IFI44L: variants seen among roughly 807,000 people sequenced by gnomAD.
IFI44L encodes the protein interferon induced protein 44 like.
IFI44L carries 40 observed loss-of-function variants against 39.3 expected under a neutral mutation model. The observed-to-expected ratio is 1.02, with a 90% confidence interval of 0.79 to 1.33. The LOEUF (loss-of-function observed/expected upper bound fraction) is 1.33, where lower values mean the gene tolerates loss of function less well. Ranked by LOEUF, IFI44L falls within the 40% of genes most tolerant of loss-of-function variation. The pLI is 0.00. For missense variants in IFI44L, 623 were observed against 549.0 expected (o/e 1.13, Z -1.35); for synonymous variants, 198 against 182.3 (o/e 1.09, Z -0.69).
At chr1:78,621,343 C>A (rs1156289900) in intron 1 of IFI44L, among the ~76,000 whole-genome samples, 1 of 152,178 alleles carries the variant, frequency 6.6e-6, no homozygotes, top group Non-Finnish European at 1.5e-5. Flanking sequence ...TCGATGTCGG[C>A]TCACTGCAAC....
Position 78,637,097 on chromosome 1 carries a change from C to G in IFI44L, c.942C>G (p.Asp314Glu), listed in dbSNP as rs1257381347. 4 of 1,610,460 alleles carry G rather than the reference C, an allele frequency of 2.5e-6. No individual in the cohort carries two copies. In the South Asian group the frequency reaches 4.4e-5, roughly 18 times the overall value. ...STFITSPSLK[D>E]RIHCVAYVLD... ...TTATCACCTCTCCATCTCTGAAGGACAGGATTCACTGTGTGGCTTATGTCT... is the reference window on the plus strand; with the variant it reads ...TTATCACCTCTCCATCTCTGAAGGAGAGGATTCACTGTGTGGCTTATGTCT... The change falls in exon 6 of 9, where the codon GAC becomes GAG. Residue 314 changes from aspartate (D) to glutamate (E), a missense_variant. Physicochemically the swap from Asp to Glu is conservative, Grantham distance 45. Coordinates refer to ENST00000370751, the MANE Select transcript of IFI44L (RefSeq NM_006820.4).
At chr1:78,641,318 C>A in intron 7 of IFI44L, 117 bp from the exon 8 acceptor site, 1 of 982,040 alleles carries the variant, frequency 1.0e-6, no homozygotes, top group Non-Finnish European at 1.5e-6. Context: ...TTGTATGTTC[C>A]GAAGATAACT....
chr1:78,628,634 A>G, intron 2 of IFI44L: 1 of 523,350 alleles, frequency 1.9e-6, no homozygotes, highest in Non-Finnish European at 3.3e-6. Flanking sequence ...TAGAGATGAC[A>G]AAGGAGATGG....
In IFI44L at chr1:78,641,931, A is replaced by C. The variant is rs769251057; in HGVS notation, c.*122A>C. On this transcript the variant is annotated 3_prime_UTR_variant, in exon 9 of 9. Transcript: ENST00000370751. ...TGTTCGTTTTGCCTTCTGTCCTTGGAACAGTCATATCTCAAGTTCAAAGGC... is the reference window on the plus strand; with the variant it reads ...TGTTCGTTTTGCCTTCTGTCCTTGGCACAGTCATATCTCAAGTTCAAAGGC... 187 of 1,113,138 alleles carry C rather than the reference A, an allele frequency of 1.7e-4. No homozygotes were observed. Among genetic ancestry groups the C allele is most frequent in the Non-Finnish European group, 2.2e-4 (162 of 725,530 alleles). The allele number at this position is 1,113,138 out of a possible 1,614,324, so 69.0% of individuals were successfully genotyped here. A position where few individuals can be genotyped will look rare whatever the true frequency, so the allele number is the denominator to read the frequency against.
chr1:78,641,664 C>G, intron 8 of IFI44L, 55 bp downstream of exon 8: 3 of 1,609,864 alleles, frequency 1.9e-6, no homozygotes, highest in Non-Finnish European at 2.5e-6. Flanking sequence ...TTTGAAAAAT[C>G]CTAAGTTATA....
intron 5 of IFI44L, 106 bp from the exon 6 acceptor site, chr1:78,636,926 G>A: frequency 2.5e-6 from 2 of 799,960 alleles, no homozygotes; most frequent in South Asian, 3.4e-5. Context: ...TAGCTGAGGA[G>A]AAAGAGGGAG....
Position 78,645,719 on chromosome 1 carries a change from T to G in IFI44L, c.*3910T>G, listed in dbSNP as rs1647038705. ...TAATCTGATGAGTCTATGGACCAAT[T>G]TGTGGAGGACAGTAGATTAAATAGA... is the stretch of plus-strand genomic sequence containing the variant. On this transcript the variant is annotated 3_prime_UTR_variant, in exon 9 of 9. Coordinates refer to ENST00000370751, the MANE Select transcript of IFI44L (RefSeq NM_006820.4). The G allele has an allele frequency of 6.6e-6, 1 of 152,168 alleles. No individual in the cohort carries two copies. The highest frequency in any genetic ancestry group is 6.5e-5 in the Admixed American group (1 of 15,272). The allele number at this position is 152,168 out of a possible 1,614,324, so 9.4% of individuals were successfully genotyped here.
intron 1 of IFI44L, 41 bp from the exon 2 acceptor site, chr1:78,627,865 T>C: frequency 8.5e-7 from 1 of 1,172,876 alleles, no homozygotes; most frequent in East Asian, 2.6e-5. Flanking sequence ...TAAGCTACTA[T>C]ATTATATAAG....
chr1:78,637,940 G>A (rs1243180874), intron 6 of IFI44L, among the ~76,000 whole-genome samples: 2 of 152,014 alleles, frequency 1.3e-5, no homozygotes, highest in African/African-American at 4.8e-5. Flanking sequence ...TTATTCCTCT[G>A]GGGTACATCT....
intron 6 of IFI44L, among the ~76,000 whole-genome samples, chr1:78,639,987 T>C (rs1018084610): frequency 9.2e-5 from 14 of 152,120 alleles, no homozygotes; most frequent in Non-Finnish European, 1.8e-4. Context: ...ATGGGGATAA[T>C]AAGTTTTGCA....
At chr1:78,622,875 G>A (rs572253984) in intron 1 of IFI44L, among the ~76,000 whole-genome samples, 90 of 152,268 alleles carry the variant, frequency 5.9e-4, no homozygotes, top group Admixed American at 1.5e-3. Flanking sequence ...TCCTTCTCCC[G>A]TTAAACATTC....
intron 1 of IFI44L, chr1:78,626,350 C>G (rs900377773): frequency 3.9e-5 from 6 of 151,960 alleles, no homozygotes; most frequent in Admixed American, 3.3e-4. Flanking sequence ...TTAAAAATCT[C>G]TATGGGTAAC....
chr1:78,631,712 A>C (rs1379474493), intron 4 of IFI44L: 1 of 152,122 alleles, frequency 6.6e-6, no homozygotes, highest in African/African-American at 2.4e-5. Flanking sequence ...CTCAAAGTGA[A>C]ATTTGTGGAC....
intron 4 of IFI44L, among the ~76,000 whole-genome samples, chr1:78,633,705 G>T (rs1371448995): frequency 6.6e-6 from 1 of 152,148 alleles, no homozygotes; most frequent in Non-Finnish European, 1.5e-5. Flanking sequence ...TCAGTAAAGA[G>T]AGAAAATAAC....
intron 4 of IFI44L, among the ~76,000 whole-genome samples, chr1:78,633,029 T>A (rs568697338): frequency 4.6e-5 from 7 of 152,286 alleles, no homozygotes; most frequent in African/African-American, 1.7e-4. Flanking sequence ...TTTGAATAAT[T>A]ATTAGCACAC....
Position 78,627,968 on chromosome 1 carries a change from T to C in IFI44L, c.53T>C (p.Leu18Pro). The part of the protein sequence containing the change: ...TWNDENHLRK[L>P]LGNVSLSLLY... ...AATGATGAAAATCATCTGCGCAAGC[T>C]GCTTGGAAATGTTTCTTTGAGTCTT... Residue 18 changes from leucine to proline, a missense_variant, in exon 2 of 9, where the codon CTG becomes CCG. Transcript: ENST00000370751. 6.2e-7 allele frequency: 1 copy of C among 1,611,020 alleles called. No individual in the cohort carries two copies. Among genetic ancestry groups the C allele is most frequent in the Admixed American group, 1.7e-5 (1 of 59,520 alleles).
chr1:78,624,903 C>T (rs1198561766), intron 1 of IFI44L, among the ~76,000 whole-genome samples: 1 of 152,112 alleles, frequency 6.6e-6, no homozygotes, highest in Non-Finnish European at 1.5e-5. Flanking sequence ...ACACCCCTTG[C>T]GGGTTATCTT....
intron 6 of IFI44L, among the ~76,000 whole-genome samples, chr1:78,638,181 A>G (rs1196920329): frequency 6.6e-6 from 1 of 152,130 alleles, no homozygotes; most frequent in Non-Finnish European, 1.5e-5. Context: ...GCATTGCTTA[A>G]TGACTAATGA....
At chr1:78,625,166 A>G (rs1652438936) in intron 1 of IFI44L, among the ~76,000 whole-genome samples, 2 of 151,608 alleles carry the variant, frequency 1.3e-5, no homozygotes, top group Non-Finnish European at 2.9e-5. Flanking sequence ...TTATAACGCC[A>G]TTAACAGGTT....
Sources: allele counts gnomAD v4.1 joint callset (sites outside exome capture counted in the v4.1 genomes callset), GRCh38; gene constraint gnomAD v4.1.1; transcripts MANE v1.5; gene names NCBI Gene and HGNC (gene_info 2026-07-23, HGNC 2026-07-21).